SP140: variants seen among roughly 807,000 people sequenced by gnomAD.
SP140 encodes the protein nuclear body protein SP140.
A neutral mutation model predicts 125.0 loss-of-function variants in SP140; 81 were observed. The ratio of observed to expected loss-of-function variants is 0.65; its 90% CI spans 0.54 to 0.78. The LOEUF is 0.78. SP140 is among the 30% of genes least tolerant of loss of function. The pLI is 0.00. For synonymous variants in SP140, 312 were observed against 354.0 expected (o/e 0.88, Z 1.33); for missense variants, 858 against 1,037.0 (o/e 0.83, Z 2.37).
rs1449351257 is a variant in SP140 at position 230,313,034 on chromosome 2, G to C, written c.*350G>C. On this transcript the variant is annotated 3_prime_UTR_variant, in exon 27 of 27. Coordinates refer to ENST00000392045, the MANE Select transcript of SP140 (RefSeq NM_007237.5). ...TGAAAACCAGCCAAGCTTTATTCAG[G>C]ACACACTTCTTGCCTTCACTTTCCC... 4.1e-6 allele frequency: 1 copy of C among 241,576 alleles called. No individual in the cohort carries two copies. The highest frequency in any genetic ancestry group is 2.4e-5 in the African/African-American group (1 of 42,072). 15.0% of individuals were successfully genotyped at this position (241,576 alleles called of 1,614,324 possible). A position where few individuals can be genotyped will look rare whatever the true frequency, so the allele number is the denominator to read the frequency against.
chr2:230,250,156 G>T (rs561185092), intron 9 of SP140, among the ~76,000 whole-genome samples: 11 of 152,322 alleles, frequency 7.2e-5, no homozygotes, highest in African/African-American at 2.4e-4. Context: ...TATCCTGTTT[G>T]CTCTTCTACT....
chr2:230,302,785 T>C (rs2058409148), intron 22 of SP140, among the ~76,000 whole-genome samples: 2 of 152,102 alleles, frequency 1.3e-5, no homozygotes, highest in African/African-American at 2.4e-5. Context: ...TACATGGAAA[T>C]TAAATAATCT....
chr2:230,307,927 T>C (rs2894708), intron 22 of SP140, among the ~76,000 whole-genome samples: 105,532 of 133,790 alleles, frequency 0.79, 42,434 homozygotes, highest in African/African-American at 0.91. Flanking sequence ...GAAAAAAAGT[T>C]ATATGAAAAA....
At chr2:230,268,837 C>T (rs538259673) in intron 12 of SP140, among the ~76,000 whole-genome samples, 1 of 152,216 alleles carries the variant, frequency 6.6e-6, no homozygotes, top group African/African-American at 2.4e-5. Context: ...CAGGACACTC[C>T]CCAGCAAGAA....
At chr2:230,238,852 A>T in intron 3 of SP140, 1 of 1,553,476 alleles carries the variant, frequency 6.4e-7, no homozygotes, top group Non-Finnish European at 8.7e-7. Context: ...ATACTGGTAC[A>T]CTGAGGAGGA....
chr2:230,217,418 C>A (rs2045338390), intron 3 of SP140, among the ~76,000 whole-genome samples: 2 of 152,050 alleles, frequency 1.3e-5, no homozygotes, highest in South Asian at 4.1e-4. Flanking sequence ...AGGACAATTC[C>A]CAGCAACAAT....
chr2:230,196,490 G>A, the SP140 span, among the ~76,000 whole-genome samples: 2 of 151,476 alleles, frequency 1.3e-5, no homozygotes, highest in East Asian at 3.9e-4. Flanking sequence ...AATAAAGTGG[G>A]GGAAGCAGAT....
chr2:230,213,043 G>T, intron 1 of SP140: 1 of 1,613,316 alleles, frequency 6.2e-7, no homozygotes, highest in South Asian at 1.1e-5. Flanking sequence ...ATTGGTGAAG[G>T]GACACACATC....
chr2:230,216,782 A>T, intron 3 of SP140: 1 of 1,613,954 alleles, frequency 6.2e-7, no homozygotes, highest in African/African-American at 1.3e-5. Context: ...ATGACTCACC[A>T]TGTACATTCT....
At chr2:230,218,124 A>C (rs1310854361) in intron 3 of SP140, among the ~76,000 whole-genome samples, 1 of 152,258 alleles carries the variant, frequency 6.6e-6, no homozygotes, top group Non-Finnish European at 1.5e-5. Flanking sequence ...TTCTTGACAA[A>C]TTGTCAAGAA....
intron 1 of SP140, among the ~76,000 whole-genome samples, chr2:230,236,057 T>C (rs1178637068): frequency 6.6e-6 from 1 of 152,026 alleles, no homozygotes; most frequent in Non-Finnish European, 1.5e-5. Flanking sequence ...TTTGTATTTT[T>C]AGTAGAGACA....
chr2:230,299,788 G>A (rs1434258753), intron 22 of SP140, among the ~76,000 whole-genome samples: 2 of 152,166 alleles, frequency 1.3e-5, no homozygotes, highest in Non-Finnish European at 1.5e-5. Context: ...CAGCGGGAGT[G>A]AGACTGGCCT....
chr2:230,205,799 G>T (rs1252405917), intron 1 of SP140, among the ~76,000 whole-genome samples: 1 of 152,166 alleles, frequency 6.6e-6, no homozygotes, highest in Non-Finnish European at 1.5e-5. Flanking sequence ...CTGGCTATGT[G>T]TTTCTTGAAG....
At chr2:230,308,455 G>T (rs984651760) in intron 22 of SP140, among the ~76,000 whole-genome samples, 1 of 152,184 alleles carries the variant, frequency 6.6e-6, no homozygotes, top group Non-Finnish European at 1.5e-5. Context: ...CCCTCCCTAG[G>T]GTTTTGGAGA....
chr2:230,213,351 A>T (rs2044711132), intron 1 of SP140, among the ~76,000 whole-genome samples: 2 of 152,248 alleles, frequency 1.3e-5, no homozygotes, highest in Non-Finnish European at 1.5e-5. Context: ...AATTTAGTCA[A>T]TAATGAACAT....
chr2:230,290,594 G>A (rs1282139108), intron 19 of SP140, 30 bp downstream of exon 19: 8 of 1,533,580 alleles, frequency 5.2e-6, no homozygotes, highest in Non-Finnish European at 7.2e-6. Context: ...TTAATTTGCA[G>A]CTCCTATCTG....
intron 19 of SP140, among the ~76,000 whole-genome samples, 166 bp downstream of exon 19, chr2:230,290,730 G>A (rs575261515): frequency 6.6e-6 from 1 of 152,176 alleles, no homozygotes; most frequent in Non-Finnish European, 1.5e-5. Flanking sequence ...TTAAGAAATC[G>A]CAACCACCAG....
At chr2:230,245,403 G>C (rs1300175816) in intron 6 of SP140, among the ~76,000 whole-genome samples, 2 of 152,174 alleles carry the variant, frequency 1.3e-5, no homozygotes, top group African/African-American at 4.8e-5. Context: ...TGAGAAAAGA[G>C]AGAGAATTTT....
chr2:230,266,462 G>A (rs968613938), intron 12 of SP140, among the ~76,000 whole-genome samples: 7 of 152,296 alleles, frequency 4.6e-5, no homozygotes, highest in South Asian at 2.1e-4. Context: ...GGTTGTGTTC[G>A]TTTTTCATTG....
Sources: gnomAD v4.1 joint callset for allele counts (sites outside exome capture counted in the v4.1 genomes callset) on GRCh38, gnomAD v4.1.1 for gene constraint, MANE v1.5 for transcripts, NCBI Gene and HGNC (gene_info 2026-07-23, HGNC 2026-07-21) for gene names.